VAV2: variants seen among roughly 807,000 people sequenced by gnomAD.
VAV2 encodes the protein guanine nucleotide exchange factor VAV2.
In VAV2, 67 loss-of-function variants were observed where a neutral mutation model predicts 132.5. The ratio of observed to expected loss-of-function variants is 0.51; its 90% CI spans 0.42 to 0.62. The LOEUF is 0.62. VAV2 is among the 20% of genes least tolerant of loss of function. The pLI is 0.00. For missense variants in VAV2, 938 were observed against 1,153.6 expected, an observed-to-expected ratio of 0.81 and a Z score of 2.71; for synonymous variants, 492 against 443.5, an observed-to-expected ratio of 1.11 and a Z score of -1.37.
At chr9:133,931,724 G>A (rs902463025) in intron 2 of VAV2, among the ~76,000 whole-genome samples, 1 of 152,226 alleles carries the variant, frequency 6.6e-6, no homozygotes, top group African/African-American at 2.4e-5. Flanking sequence ...AACAGGGGAA[G>A]CGGGACCACT....
chr9:133,952,581 C>A (rs879292173), intron 1 of VAV2, among the ~76,000 whole-genome samples: 2 of 149,028 alleles, frequency 1.3e-5, no homozygotes, highest in Non-Finnish European at 3.0e-5. Flanking sequence ...CCAGCCTGGG[C>A]AAAAGAGCAA....
At chr9:133,813,287 G>T (rs926745928) in intron 4 of VAV2, among the ~76,000 whole-genome samples, 1 of 152,266 alleles carries the variant, frequency 6.6e-6, no homozygotes, top group Non-Finnish European at 1.5e-5. Context: ...TAAATGCAGA[G>T]CACCCCCTTC....
At chr9:133,902,179 A>T (rs2157834) in intron 2 of VAV2, among the ~76,000 whole-genome samples, 1 of 152,048 alleles carries the variant, frequency 6.6e-6, no homozygotes, top group Non-Finnish European at 1.5e-5. Flanking sequence ...CCTCCCTGAG[A>T]CCCAACTTCA....
rs142148031 is a variant in VAV2 at position 133,940,148 on chromosome 9, T to C, written c.205-929A>G. Among the ~76,000 whole-genome samples, 161 of 152,234 alleles carry C rather than the reference T, an allele frequency of 1.1e-3. 1 individual carries two copies. The highest frequency in any genetic ancestry group is 3.6e-3 in the African/African-American group (151 of 41,530). On this transcript the variant is annotated intron_variant, in intron 1 of 29. Transcript: ENST00000371850. ...CCAGCAGGGAGACCAGGGTGAGTGG[T>C]TATGCCAGGCCTGGTTTTCTACCGC...
intron 1 of VAV2, among the ~76,000 whole-genome samples, chr9:133,955,238 C>A (rs1375959399): frequency 1.3e-5 from 2 of 151,982 alleles, no homozygotes; most frequent in Non-Finnish European, 2.9e-5. Flanking sequence ...CACCCAGATT[C>A]TGGGGACCCC....
At chr9:133,963,929 C>G (rs1442941851) in intron 1 of VAV2, among the ~76,000 whole-genome samples, 1 of 150,934 alleles carries the variant, frequency 6.6e-6, no homozygotes, top group Non-Finnish European at 1.5e-5. Flanking sequence ...CAGCCCAGTT[C>G]TGTAAATCAA....
intron 2 of VAV2, among the ~76,000 whole-genome samples, chr9:133,892,393 G>A (rs1326292403): frequency 6.6e-6 from 1 of 151,814 alleles, no homozygotes; most frequent in Non-Finnish European, 1.5e-5. Context: ...GGAAATGTGG[G>A]GGCTGAGGAG....
At chr9:133,956,261 G>A (rs1841776299) in intron 1 of VAV2, among the ~76,000 whole-genome samples, 1 of 152,214 alleles carries the variant, frequency 6.6e-6, no homozygotes, top group South Asian at 2.1e-4. Context: ...ATCTCCAGAG[G>A]TGCCATGATC....
At position 133,841,290 on chromosome 9, in the gene VAV2, C is replaced by T. The variant is rs542148619; in HGVS notation, c.381-6950G>A. ...GAAGGCTGGGCCCCCACACCACCAC[C>T]GCCCCAGGATCTGGCCAAGTGCTTC... is the stretch of plus-strand genomic sequence containing the variant. On this transcript the variant is annotated intron_variant, in intron 3 of 29. Transcript: ENST00000371850. Among the ~76,000 whole-genome samples the T allele has an allele frequency of 1.7e-4, 26 of 151,924 alleles. No individual in the cohort carries two copies. In the East Asian group the frequency reaches 5.0e-3, roughly 29 times the overall value.
At chr9:133,851,110 C>A in intron 3 of VAV2, among the ~76,000 whole-genome samples, 1 of 152,350 alleles carries the variant, frequency 6.6e-6, no homozygotes, top group Admixed American at 6.5e-5. Flanking sequence ...TGGGGCTCTG[C>A]GGGCTTTAGG....
chr9:133,854,249 T>C (rs1308828166), intron 3 of VAV2, among the ~76,000 whole-genome samples: 2 of 134,970 alleles, frequency 1.5e-5, no homozygotes, highest in Non-Finnish European at 3.1e-5. Context: ...ATACATGCAC[T>C]CATCTGCACA....
At position 133,939,400 on chromosome 9, in the gene VAV2, TGGGG is replaced by T. The variant is rs1841050587; in HGVS notation, c.205-185_205-182del. 3 of 639,844 alleles carry T rather than the reference TGGGG, an allele frequency of 4.7e-6. No homozygotes were observed. In the East Asian group the frequency reaches 8.0e-5, roughly 17 times the overall value. 39.6% of individuals were successfully genotyped at this position (639,844 alleles called of 1,614,324 possible). On this transcript the variant is annotated intron_variant, in intron 1 of 29. Transcript: ENST00000371850. Reference sequence around the variant, plus strand: ...ATGACGAAACCCCCCGTCCCAAGGCTGGGGGGTGAGAAGCCAGGCCTGGATGGAA... The same window carrying T: ...ATGACGAAACCCCCCGTCCCAAGGCTGGTGAGAAGCCAGGCCTGGATGGAA...
At chr9:133,861,106 A>G in intron 3 of VAV2, 1 of 419,264 alleles carries the variant, frequency 2.4e-6, no homozygotes, top group South Asian at 4.2e-5. Flanking sequence ...TGAAAGGATT[A>G]ATTTGCTGAT....
chr9:133,779,308 G>A (rs1014365000), intron 21 of VAV2, among the ~76,000 whole-genome samples: 2 of 152,206 alleles, frequency 1.3e-5, no homozygotes, highest in East Asian at 1.9e-4. Context: ...GGTCCTGGCT[G>A]TGCCTCCAGG....
At chr9:133,980,707 G>A (rs1264054753) in intron 1 of VAV2, among the ~76,000 whole-genome samples, 1 of 152,230 alleles carries the variant, frequency 6.6e-6, no homozygotes, top group African/African-American at 2.4e-5. Context: ...GCTCTGCAGT[G>A]AGCGGCAGCC....
At chr9:133,806,498 G>A (rs1400790134) in intron 8 of VAV2, among the ~76,000 whole-genome samples, 5 of 152,210 alleles carry the variant, frequency 3.3e-5, no homozygotes, top group Non-Finnish European at 7.3e-5. Flanking sequence ...GTACTCCTGT[G>A]CTCAGGCCAC....
At chr9:133,895,093 G>A (rs1028965631) in intron 2 of VAV2, among the ~76,000 whole-genome samples, 1 of 152,126 alleles carries the variant, frequency 6.6e-6, no homozygotes, top group East Asian at 1.9e-4. Context: ...CCGAGGCACC[G>A]AGGGCCGCCC....
chr9:133,794,690 C>T lies in VAV2; in HGVS notation c.1101+978G>A, dbSNP rs1003218388. Among the ~76,000 whole-genome samples the T allele has an allele frequency of 5.9e-5, 9 of 152,224 alleles. No homozygotes were observed. Among genetic ancestry groups the T allele is most frequent in the African/African-American group, 2.2e-4 (9 of 41,544 alleles). ...GGCTGGCAGAGGTGTCCTGTGCTCC[C>T]GACGAGGGAGATGTGGGGGGGGTCG... On this transcript the variant is annotated intron_variant, in intron 12 of 29. Transcript: ENST00000371850. The surrounding 1 kb of genome is among the most constrained non-coding windows in gnomAD (Gnocchi z 4.6).
At chr9:133,976,699 AGCT>A (rs1306692842) in intron 1 of VAV2, among the ~76,000 whole-genome samples, 1 of 152,168 alleles carries the variant, frequency 6.6e-6, no homozygotes, top group Non-Finnish European at 1.5e-5. Context: ...CCTGCGACGG[AGCT>A]GCTATTCTGG....
Sources: allele counts gnomAD v4.1 joint callset (sites outside exome capture counted in the v4.1 genomes callset), GRCh38; gene constraint gnomAD v4.1.1; non-coding constraint Gnocchi (gnomAD v3.1); transcripts MANE v1.5; gene names NCBI Gene and HGNC (gene_info 2026-07-23, HGNC 2026-07-21).